Variants in GTF2E1 observed in about 807,000 individuals in gnomAD.
GTF2E1 encodes TFIIE alpha subunit.
GTF2E1 carries 14 observed loss-of-function variants against 34.9 expected under a neutral mutation model. The observed-to-expected ratio is 0.40, with a 90% CI of 0.27 to 0.63. The LOEUF (loss-of-function observed/expected upper bound fraction) is 0.63, where lower values mean the gene tolerates loss of function less well. GTF2E1 is among the 20% of genes least tolerant of loss of function. GTF2E1 has a pLI of 0.39. For synonymous variants in GTF2E1, 188 were observed against 192.9 expected (o/e 0.97, Z 0.21); for missense variants, 469 against 557.7 (o/e 0.84, Z 1.60).
chr3:120,776,890 G>A (rs1318162782), intron 4 of GTF2E1, among the ~76,000 whole-genome samples: 1 of 152,100 alleles, frequency 6.6e-6, no homozygotes, highest in Non-Finnish European at 1.5e-5. Flanking sequence ...TTCATTTTTA[G>A]ATTTGAAAAA....
chr3:120,771,166 G>C (rs191577037), intron 3 of GTF2E1, among the ~76,000 whole-genome samples: 1 of 152,062 alleles, frequency 6.6e-6, no homozygotes, highest in Non-Finnish European at 1.5e-5. Flanking sequence ...ATTTAGGTTT[G>C]ACTTCAAGTA....
At position 120,781,624 on chromosome 3, in the gene GTF2E1, T is replaced by A; in HGVS notation, c.*154T>A. 1 of 629,988 alleles carries A rather than the reference T, an allele frequency of 1.6e-6. No individual in the cohort carries two copies. The highest frequency in any genetic ancestry group is 2.8e-6 in the Non-Finnish European group (1 of 361,348). 39.0% of individuals were successfully genotyped at this position (629,988 alleles called of 1,614,324 possible). On this transcript the variant is annotated 3_prime_UTR_variant, in exon 5 of 5. Coordinates refer to ENST00000283875, the MANE Select transcript of GTF2E1 (RefSeq NM_005513.3). Reference sequence around the variant, plus strand: ...TTGATGGTAGAGAGTTTGACTTTTATGCCAGAAACTTTCCCAGCAAGGTAG... The same window carrying A: ...TTGATGGTAGAGAGTTTGACTTTTAAGCCAGAAACTTTCCCAGCAAGGTAG...
intron 3 of GTF2E1, 26 bp from the exon 4 acceptor site, chr3:120,776,397 T>G: frequency 6.3e-7 from 1 of 1,593,856 alleles, no homozygotes; most frequent in Non-Finnish European, 8.5e-7. Flanking sequence ...TTCTTCTTCC[T>G]GTACTCCTCT....
intron 1 of GTF2E1, among the ~76,000 whole-genome samples, chr3:120,749,312 G>A (rs1197317452): frequency 1.3e-5 from 2 of 152,154 alleles, no homozygotes; most frequent in African/African-American, 2.4e-5. Flanking sequence ...TGGTAAGAGA[G>A]GGCATCCCTG....
chr3:120,755,961 A>G (rs567932828), intron 2 of GTF2E1, among the ~76,000 whole-genome samples: 1 of 152,342 alleles, frequency 6.6e-6, no homozygotes, highest in South Asian at 2.1e-4. Flanking sequence ...TTTATGGCTG[A>G]ATAGTACTCC....
At chr3:120,780,930 G>A (rs1242299625) in intron 4 of GTF2E1, 113 bp from the exon 5 acceptor site, 4 of 707,618 alleles carry the variant, frequency 5.7e-6, no homozygotes, top group Non-Finnish European at 9.0e-6. Flanking sequence ...TGGAACCAGT[G>A]AAGTCTGTTA....
intron 2 of GTF2E1, among the ~76,000 whole-genome samples, chr3:120,754,918 T>C (rs777139779): frequency 3.9e-5 from 6 of 152,184 alleles, no homozygotes; most frequent in Non-Finnish European, 8.8e-5. Flanking sequence ...TATGTTGTAC[T>C]CTTGGATTTG....
At chr3:120,747,313 T>G (rs1709114872) in intron 1 of GTF2E1, among the ~76,000 whole-genome samples, 2 of 152,012 alleles carry the variant, frequency 1.3e-5, no homozygotes, top group African/African-American at 4.8e-5. Flanking sequence ...TAGTTACATA[T>G]GTATACATGT....
chr3:120,775,167 C>G (rs552700787), intron 3 of GTF2E1, among the ~76,000 whole-genome samples: 104 of 152,092 alleles, frequency 6.8e-4, no homozygotes, highest in African/African-American at 2.3e-3. Flanking sequence ...AGGGAGTAAG[C>G]AGAGATGAAG....
At chr3:120,771,075 G>A in intron 3 of GTF2E1, 146 bp downstream of exon 3, 1 of 718,050 alleles carries the variant, frequency 1.4e-6, no homozygotes, top group South Asian at 1.7e-5. Context: ...TGCCACATTT[G>A]TCTGATTAAC....
intron 4 of GTF2E1, among the ~76,000 whole-genome samples, chr3:120,780,011 A>G (rs540687670): frequency 1.2e-4 from 18 of 152,310 alleles, no homozygotes; most frequent in African/African-American, 4.1e-4. Context: ...ATGTACACAA[A>G]ATGATAGGAG....
At chr3:120,765,851 C>T (rs1200556631) in intron 2 of GTF2E1, among the ~76,000 whole-genome samples, 1 of 152,176 alleles carries the variant, frequency 6.6e-6, no homozygotes, top group East Asian at 1.9e-4. Context: ...ATTTGTCAAG[C>T]TTTGCCTAAA....
chr3:120,772,097 T>G (rs1709356534), intron 3 of GTF2E1, among the ~76,000 whole-genome samples: 1 of 152,184 alleles, frequency 6.6e-6, no homozygotes, highest in African/African-American at 2.4e-5. Context: ...GGCCATGTAT[T>G]TCTAGGTATC....
At chr3:120,772,115 G>C (rs1239225470) in intron 3 of GTF2E1, among the ~76,000 whole-genome samples, 4 of 152,154 alleles carry the variant, frequency 2.6e-5, no homozygotes, top group African/African-American at 4.8e-5. Context: ...ATCACGTGCA[G>C]ATGACAATGT....
In GTF2E1 at chr3:120,750,985, T is replaced by C; in HGVS notation, c.433T>C (p.Phe145Leu). Residue 145 changes from phenylalanine (F) to leucine (L), a missense_variant, in exon 2 of 5, where the codon TTT becomes CTT. Physicochemically the swap from Phe to Leu is conservative, Grantham distance 22 (BLOSUM62 0). Coordinates refer to ENST00000283875, the MANE Select transcript of GTF2E1 (RefSeq NM_005513.3). Reference protein sequence around the residue: ...TFTDLEANQLFDPMTGTFRCT... With the variant: ...TFTDLEANQLLDPMTGTFRCT... ...CACAGACTTAGAAGCTAATCAGCTC[T>C]TTGATCCTATGACAGGTGAGGTTTA... 6.2e-7 allele frequency: 1 copy of C among 1,610,262 alleles called. No individual in the cohort carries two copies. Among genetic ancestry groups the C allele is most frequent in the Non-Finnish European group, 8.5e-7 (1 of 1,176,846 alleles).
At chr3:120,777,301 G>A (rs568363892) in intron 4 of GTF2E1, among the ~76,000 whole-genome samples, 56 of 152,290 alleles carry the variant, frequency 3.7e-4, no homozygotes, top group African/African-American at 1.3e-3. Context: ...TTTGAGTGAT[G>A]ATGGTTTAGG....
chr3:120,776,056 A>T (rs1439576942), intron 3 of GTF2E1, among the ~76,000 whole-genome samples: 1 of 152,210 alleles, frequency 6.6e-6, no homozygotes, highest in Non-Finnish European at 1.5e-5. Context: ...TAAACAAAAT[A>T]CTGGGAGAGA....
chr3:120,774,675 G>C (rs1709383836), intron 3 of GTF2E1, among the ~76,000 whole-genome samples: 2 of 151,474 alleles, frequency 1.3e-5, no homozygotes, highest in South Asian at 4.2e-4. Flanking sequence ...TATTTACAGA[G>C]AGATGCCTCA....
intron 2 of GTF2E1, among the ~76,000 whole-genome samples, chr3:120,760,918 A>G (rs531667830): frequency 1.3e-5 from 2 of 152,254 alleles, no homozygotes; most frequent in South Asian, 4.2e-4. Flanking sequence ...AGGCTTTGGT[A>G]TCAGGATGAT....
Sources: allele counts gnomAD v4.1 joint callset (sites outside exome capture counted in the v4.1 genomes callset), GRCh38; gene constraint gnomAD v4.1.1; transcripts MANE v1.5; gene names NCBI Gene and HGNC (gene_info 2026-07-23, HGNC 2026-07-21).